The following KRT78 variants were observed in gnomAD, a reference collection of about 807,000 sequenced individuals.
KRT78 encodes keratin 78, also known as keratin, type II cytoskeletal 78.
Under a neutral mutation model 51.4 loss-of-function variants are expected in KRT78, and 55 were observed. That is an observed-to-expected ratio of 1.07 (90% CI 0.86 to 1.34). The LOEUF is 1.34. Ranked by LOEUF, KRT78 falls within the 40% of genes most tolerant of loss-of-function variation. The probability of loss-of-function intolerance (pLI) is 0.00; values close to 1 mark genes in which losing one functional copy is unlikely to be tolerated. For missense variants in KRT78, 652 were observed against 649.4 expected (o/e 1.00, Z -0.04); for synonymous variants, 291 against 264.3 (o/e 1.10, Z -0.98).
At chr12:52,842,958 AG>A (rs1565698706) in intron 6 of KRT78, among the ~76,000 whole-genome samples, 3 of 81,444 alleles carry the variant, frequency 3.7e-5, no homozygotes, top group African/African-American at 2.2e-4. Flanking sequence ...AGAGAGAGAG[AG>A]AGGAAGGAAG....
rs184478579 is a variant in KRT78, at chr12:52,840,675, C to G, written c.1048-691G>C. 5.4e-3 allele frequency among the ~76,000 whole-genome samples: 820 copies of G among 152,104 alleles called. 23 individuals are homozygous for G. Among genetic ancestry groups the G allele is most frequent in the Admixed American group, 0.051 (772 of 15,272 alleles). ...TGAGCCAAGATCATGCCACTGCACT[C>G]CAGCCTGGCAACAGAGCAAGACTCC... On this transcript the variant is annotated intron_variant, in intron 6 of 8. Coordinates refer to ENST00000304620, the MANE Select transcript of KRT78 (RefSeq NM_173352.4).
At chr12:52,843,517 C>A (rs1359918126) in intron 6 of KRT78, among the ~76,000 whole-genome samples, 1 of 150,748 alleles carries the variant, frequency 6.6e-6, no homozygotes, top group African/African-American at 2.4e-5. Context: ...TGGTGAAACC[C>A]CGTCCCTACT....
chr12:52,840,814 G>C (rs1229280710), intron 6 of KRT78, among the ~76,000 whole-genome samples: 1 of 152,172 alleles, frequency 6.6e-6, no homozygotes, highest in African/African-American at 2.4e-5. Context: ...ACCCAGGGAG[G>C]ACTCTCGCTG....
chr12:52,848,413 A>C, intron 1 of KRT78, 134 bp downstream of exon 1: 2 of 1,421,208 alleles, frequency 1.4e-6, no homozygotes, highest in Non-Finnish European at 1.9e-6. Context: ...GTTAGTCCAC[A>C]GGAGGGACTT....
rs557552020 is a variant in KRT78, at chr12:52,848,708, G to A, written c.223C>T (p.Leu75Phe). The A allele has an allele frequency of 6.8e-6, 11 of 1,612,514 alleles. No individual in the cohort carries two copies. The South Asian group carries it at 9.9e-5, about 15-fold the overall frequency. The change falls in exon 1 of 9, where the codon CTC (leucine) becomes TTC (phenylalanine). Residue 75 changes from leucine (L) to phenylalanine (F), a missense_variant. Coordinates refer to ENST00000304620, the MANE Select transcript of KRT78 (RefSeq NM_173352.4). ...RFGEWSGGPG[L>F]SLCPPGGIQE... is the part of the protein sequence containing the mutation. ...ATGCCCCCCGGAGGGCACAGGGAGA[G>A]CCCAGGCCCACCACTCCACTCCCCA...
intron 6 of KRT78, among the ~76,000 whole-genome samples, chr12:52,840,930 G>A (rs1353123360): frequency 2.0e-5 from 3 of 152,080 alleles, no homozygotes; most frequent in Non-Finnish European, 4.4e-5. Flanking sequence ...CCGATTTGTG[G>A]TGATTTGTCA....
intron 6 of KRT78, among the ~76,000 whole-genome samples, chr12:52,841,479 T>C (rs776848989): frequency 3.0e-4 from 43 of 141,100 alleles, no homozygotes; most frequent in Non-Finnish European, 5.4e-4. Flanking sequence ...AGAGTGAGAC[T>C]CCTTCTCAAA....
At chr12:52,846,688 C>T in intron 3 of KRT78, 76 bp downstream of exon 3, 1 of 1,329,626 alleles carries the variant, frequency 7.5e-7, no homozygotes, top group South Asian at 1.2e-5. Context: ...CCCACCTTTT[C>T]CCTCCCAGCC....
chr12:52,839,336 A>C lies in KRT78; in HGVS notation c.1340T>G (p.Val447Gly). 5 of 1,613,506 alleles carry C rather than the reference A, an allele frequency of 3.1e-6. No individual in the cohort carries two copies. Among genetic ancestry groups the C allele is most frequent in the Non-Finnish European group, 4.2e-6 (5 of 1,179,840 alleles). Reference sequence around the variant, plus strand: ...ACAAGTGCTCCCCAAGCCTCCACCAACTCCTCCAGACATGACAGCGCTGCC... The same window carrying C: ...ACAAGTGCTCCCCAAGCCTCCACCACCTCCTCCAGACATGACAGCGCTGCC... ...VGGSAVMSGGVGGGLGSTCGL... is the reference protein window; with the variant it reads ...VGGSAVMSGGGGGGLGSTCGL... The change falls in exon 9 of 9, where the codon GTT becomes GGT. Residue 447 changes from valine to glycine, a missense_variant. Physicochemically the swap from Val to Gly is moderately radical, Grantham distance 109. Transcript: ENST00000304620.
chr12:52,845,398 G>A (rs551841976), intron 4 of KRT78, among the ~76,000 whole-genome samples: 5 of 152,138 alleles, frequency 3.3e-5, no homozygotes, highest in African/African-American at 4.8e-5. Context: ...GCACACTCCC[G>A]CTGTGGGCTG....
chr12:52,838,624 G>GAA lies in KRT78; in HGVS notation c.*488_*489insTT, dbSNP rs1940400569. On this transcript the variant is annotated 3_prime_UTR_variant, in exon 9 of 9. Transcript: ENST00000304620. ...GGGAATTAGAGAAGGTTCCTAAAAG[G>GAA]AGAAAATTTTGGTGCACAGTCAGGA... The GAA allele has an allele frequency of 6.0e-6, 1 of 167,248 alleles. No homozygotes were observed. Among genetic ancestry groups the GAA allele is most frequent in the Non-Finnish European group, 1.3e-5 (1 of 76,680 alleles). 10.4% of individuals were successfully genotyped at this position (167,248 alleles called of 1,614,324 possible). A position where few individuals can be genotyped will look rare whatever the true frequency, so the allele number is the denominator to read the frequency against.
At chr12:52,843,832 C>T (rs1565699484) in intron 6 of KRT78, among the ~76,000 whole-genome samples, 1 of 152,188 alleles carries the variant, frequency 6.6e-6, no homozygotes, top group Non-Finnish European at 1.5e-5. Flanking sequence ...AGCCCCCTCC[C>T]CGATGCCAGG....
At chr12:52,843,410 C>G (rs1036872046) in intron 6 of KRT78, among the ~76,000 whole-genome samples, 1 of 143,656 alleles carries the variant, frequency 7.0e-6, no homozygotes, top group Non-Finnish European at 1.5e-5. Flanking sequence ...AGAAATGAGG[C>G]TGGGTGCAGT....
In KRT78 at chr12:52,845,141, T is replaced by C. The variant is rs553741612; in HGVS notation, c.757-418A>G. Among the ~76,000 whole-genome samples the C allele has an allele frequency of 7.2e-5, 11 of 151,806 alleles. No individual in the cohort carries two copies. In the South Asian group the frequency reaches 2.1e-3, roughly 29 times the overall value. On this transcript the variant is annotated intron_variant, in intron 4 of 8. Coordinates refer to ENST00000304620, the MANE Select transcript of KRT78 (RefSeq NM_173352.4). ...AGCCATTCTTCTCCCTCAGCCTCCC[T>C]AGTAGCTGGGATTACAAGCACCTGC...
In KRT78 at chr12:52,848,050, A is replaced by T; in HGVS notation, c.456T>A (p.Ser152Arg). ...KWHLLQQQGL[S>R]GSQQGLEPVF... is the part of the protein sequence containing the mutation. ...CAGGCTCCAGGCCCTGCTGGCTGCC[A>T]CTCAACCCCTGTTGCTGCAGCAGAT... is the stretch of plus-strand genomic sequence containing the variant. Residue 152 changes from serine to arginine, a missense_variant, in exon 2 of 9, where the codon AGT (serine) becomes AGA (arginine). Transcript: ENST00000304620. 6.2e-7 allele frequency: 1 copy of T among 1,614,070 alleles called. No individual in the cohort carries two copies. The highest frequency in any genetic ancestry group is 8.5e-7 in the Non-Finnish European group (1 of 1,179,986).
chr12:52,841,891 G>A (rs11170285), intron 6 of KRT78, among the ~76,000 whole-genome samples: 18,577 of 152,160 alleles, frequency 0.12, 3,081 homozygotes, highest in African/African-American at 0.37. Flanking sequence ...ACACTCCTGC[G>A]TGCTGCCACT....
rs765515095 is a variant in KRT78 at position 52,839,480 on chromosome 12, C to T, written c.1276G>A (p.Gly426Arg). The T allele has an allele frequency of 1.9e-6, 3 of 1,598,432 alleles. No individual in the cohort carries two copies. Among genetic ancestry groups the T allele is most frequent in the East Asian group, 2.3e-5 (1 of 44,316 alleles). Residue 426 changes from glycine (G) to arginine (R), a missense_variant, in exon 8 of 9, where the codon GGG (glycine) becomes AGG (arginine). By Grantham distance (125) the Gly-to-Arg change is moderately radical. Transcript: ENST00000304620. ...LLEGEECRMS[G>R]ECTSQVTISS... ...ATAGTGACCTGGCTGGTGCACTCCCCAGACATCCTAGGGGGAAAAGGACAA... is the reference window on the plus strand; with the variant it reads ...ATAGTGACCTGGCTGGTGCACTCCCTAGACATCCTAGGGGGAAAAGGACAA...
chr12:52,847,437 G>C (rs1940668525), intron 2 of KRT78, among the ~76,000 whole-genome samples: 1 of 152,184 alleles, frequency 6.6e-6, no homozygotes, highest in Non-Finnish European at 1.5e-5. Flanking sequence ...CCTAGGCGTG[G>C]AGCCCAGAAC....
chr12:52,839,704 G>A lies in KRT78; in HGVS notation c.1268+60C>T, dbSNP rs1000796199. 4.6e-6 allele frequency: 7 copies of A among 1,512,058 alleles called. No individual in the cohort carries two copies. In the African/African-American group the frequency reaches 9.6e-5, roughly 21 times the overall value. The allele number at this position is 1,512,058 out of a possible 1,614,324, so 93.7% of individuals were successfully genotyped here. ...TCCTCTTTAGCAAGCAGCTCACTGT[G>A]TTGGCATCCCATCCTCCTCCCCAAA... On this transcript the variant is annotated intron_variant, in intron 7 of 8. Coordinates refer to ENST00000304620, the MANE Select transcript of KRT78 (RefSeq NM_173352.4).
Sources: allele counts gnomAD v4.1 joint callset (sites outside exome capture counted in the v4.1 genomes callset), GRCh38; gene constraint gnomAD v4.1.1; transcripts MANE v1.5; gene names NCBI Gene and HGNC (gene_info 2026-07-23, HGNC 2026-07-21).